The following HMGB1 variants were observed in gnomAD, a reference collection of about 807,000 sequenced individuals.
The protein encoded by HMGB1 is high mobility group protein B1.
For synonymous variants in HMGB1, 81 were observed against 84.0 expected, an observed-to-expected ratio of 0.96 and a Z score of 0.19; for missense variants, 79 against 253.5, an observed-to-expected ratio of 0.31 and a Z score of 4.67.
intron 1 of HMGB1, among the ~76,000 whole-genome samples, chr13:30,588,907 C>T: frequency 6.6e-6 from 1 of 151,476 alleles, no homozygotes; most frequent in East Asian, 1.9e-4. Flanking sequence ...ACAGAGCAAG[C>T]CTCTGTTTAA....
At position 30,515,771 on chromosome 13, in the gene HMGB1, T is replaced by C. The variant is rs117350208; in HGVS notation, c.-14-52077A>G. On this transcript the variant is annotated intron_variant, in intron 1 of 4. Transcript: ENST00000405805. ...GAATTATTTAAAGCAGAGATGCACC[T>C]TGAAACATTTAATACACCCAGGGGC... Among the ~76,000 whole-genome samples, 1,362 of 151,856 alleles carry C rather than the reference T, an allele frequency of 9.0e-3. 12 individuals carry two copies. Among genetic ancestry groups the C allele is most frequent in the Admixed American group, 0.021 (322 of 15,244 alleles).
chr13:30,519,470 C>A (rs186857400), intron 1 of HMGB1, among the ~76,000 whole-genome samples: 5 of 150,374 alleles, frequency 3.3e-5, no homozygotes, highest in South Asian at 4.2e-4. Context: ...CCAAGGTGGG[C>A]GGATCACGAG....
At chr13:30,463,102 T>TTTGA (rs1285505597) in intron 3 of HMGB1, 105 bp downstream of exon 3, 4 of 1,151,520 alleles carry the variant, frequency 3.5e-6, no homozygotes, top group Non-Finnish European at 5.1e-6. Flanking sequence ...GCTAAGAAAC[T>TTTGA]TTGATTGTAC....
intron 1 of HMGB1, among the ~76,000 whole-genome samples, chr13:30,503,647 CT>C (rs10590461): frequency 0.014 from 1,460 of 106,436 alleles, 5 homozygotes; most frequent in Middle Eastern, 0.045. Flanking sequence ...TACTCAGCTT[CT>C]TTTTTTTTTT....
exon 1 of HMGB1, chr13:30,617,537 G>A (rs900573671): frequency 1.3e-5 from 2 of 152,192 alleles, no homozygotes; most frequent in African/African-American, 2.4e-5. Flanking sequence ...ACGCTCGCGC[G>A]GACCACGGAA....
intron 1 of HMGB1, among the ~76,000 whole-genome samples, chr13:30,609,146 C>T (rs1290663821): frequency 6.6e-6 from 1 of 152,096 alleles, no homozygotes. Flanking sequence ...GCCTGTAGTC[C>T]CAGCTACTCA....
At chr13:30,464,908 C>A (rs1473279857) in intron 1 of HMGB1, among the ~76,000 whole-genome samples, 1 of 141,956 alleles carries the variant, frequency 7.0e-6, no homozygotes, top group African/African-American at 2.5e-5. Flanking sequence ...GGGCGCGCGG[C>A]CGGGCCCTCC....
chr13:30,471,751 G>A (rs139014776), intron 1 of HMGB1, among the ~76,000 whole-genome samples: 3,798 of 123,690 alleles, frequency 0.031, 119 homozygotes, highest in African/African-American at 0.094. Flanking sequence ...TCACTGCAAC[G>A]TCCACCTCCC....
chr13:30,469,669 T>C (rs1284913936), upstream of HMGB1, among the ~76,000 whole-genome samples: 2 of 57,608 alleles, frequency 3.5e-5, 1 homozygote, highest in Non-Finnish European at 1.1e-4. Context: ...TCTCCCTCTG[T>C]CACCAGGCTG....
intron 1 of HMGB1, 118 bp from the exon 2 acceptor site, chr13:30,463,812 A>G (rs562133613): frequency 1.6e-6 from 1 of 642,744 alleles, no homozygotes; most frequent in Non-Finnish European, 2.6e-6. Context: ...TAGCGACATC[A>G]ACCTCCGTAA....
chr13:30,538,907 TG>T (rs1223745418), intron 1 of HMGB1, among the ~76,000 whole-genome samples: 1 of 152,026 alleles, frequency 6.6e-6, no homozygotes, highest in Admixed American at 6.6e-5. Context: ...TGTTTTGTTT[TG>T]TTTTTTGAGA....
At chr13:30,466,492 G>C (rs1436693252), upstream of HMGB1, among the ~76,000 whole-genome samples, 1 of 152,080 alleles carries the variant, frequency 6.6e-6, no homozygotes, top group East Asian at 1.9e-4. Context: ...TACACTTTAG[G>C]TCTCTGGAAA....
At chr13:30,464,635 A>C (rs1886607765) in intron 1 of HMGB1, 3 of 983,624 alleles carry the variant, frequency 3.0e-6, no homozygotes, top group African/African-American at 3.5e-5. Flanking sequence ...GCCCCGCTCG[A>C]AATGGGGGCT....
chr13:30,583,317 G>A (rs886567383), intron 1 of HMGB1, among the ~76,000 whole-genome samples: 1 of 152,068 alleles, frequency 6.6e-6, no homozygotes, highest in African/African-American at 2.4e-5. Context: ...AGGATCACTT[G>A]AGGCCAGGAG....
intron 1 of HMGB1, among the ~76,000 whole-genome samples, chr13:30,531,509 C>CGT (rs376387192): frequency 0.25 from 33,847 of 135,402 alleles, 4,425 homozygotes; most frequent in Non-Finnish European, 0.31. Flanking sequence ...GTAACATATA[C>CGT]GTGTGTGTGT....
At chr13:30,508,444 AG>A (rs1323272469) in intron 1 of HMGB1, among the ~76,000 whole-genome samples, 1 of 152,084 alleles carries the variant, frequency 6.6e-6, no homozygotes, top group Non-Finnish European at 1.5e-5. Flanking sequence ...CCTGGGAGGC[AG>A]AGGTTGCAGT....
rs371294799 is a variant in HMGB1 at position 30,508,516 on chromosome 13, AAAAAG to A, written c.-14-44827_-14-44823del. On this transcript the variant is annotated intron_variant, in intron 1 of 4. Transcript: ENST00000405805. The stretch of plus-strand genomic sequence containing the variant: ...ACAGAGCAAGACTCCCTCTCAAGAA[AAAAAG>A]AAAAGAAAAGAAAAGAAAATGACAA... Among the ~76,000 whole-genome samples, 234 of 151,952 alleles carry A rather than the reference AAAAAG, an allele frequency of 1.5e-3. 2 individuals carry two copies. The highest frequency in any genetic ancestry group is 5.0e-3 in the African/African-American group (208 of 41,318).
chr13:30,500,010 G>A (rs1385553207), intron 1 of HMGB1, among the ~76,000 whole-genome samples: 1 of 152,160 alleles, frequency 6.6e-6, no homozygotes, highest in Non-Finnish European at 1.5e-5. Context: ...AGATGATTGG[G>A]TCATGAGGGT....
At position 30,457,097 on chromosome 13, in the gene HMGB1, C is replaced by G. The variant is rs915391249; in HGVS notation, c.*4260G>C. 6.6e-6 allele frequency: 1 copy of G among 152,160 alleles called. No homozygotes were observed. The highest frequency in any genetic ancestry group is 2.4e-5 in the African/African-American group (1 of 41,426). 9.4% of individuals were successfully genotyped at this position (152,160 alleles called of 1,614,324 possible). On this transcript the variant is annotated 3_prime_UTR_variant, in exon 5 of 5. Coordinates refer to ENST00000341423, the MANE Select transcript of HMGB1 (RefSeq NM_002128.7). ...ACAATGAATATGAGTACATAATTTA[C>G]AAGGATCTCTCTAATCCCTTTTCCA... is the stretch of plus-strand genomic sequence containing the variant.
Sources: allele counts gnomAD v4.1 joint callset (sites outside exome capture counted in the v4.1 genomes callset), GRCh38; gene constraint gnomAD v4.1.1; transcripts MANE v1.5; gene names NCBI Gene and HGNC (gene_info 2026-07-23, HGNC 2026-07-21).